Variants in CERT1 observed in about 807,000 individuals in gnomAD.
The protein encoded by CERT1 is ceramide transporter 1.
In CERT1, 31 loss-of-function variants were observed where a neutral mutation model predicts 87.9. The ratio of observed to expected loss-of-function variants is 0.35; its 90% confidence interval spans 0.27 to 0.48. CERT1 has a LOEUF of 0.48. Ranked by LOEUF, CERT1 falls within the 20% of genes least tolerant of loss-of-function variation. The probability of loss-of-function intolerance (pLI) is 0.99; values close to 1 mark genes in which losing one functional copy is unlikely to be tolerated. For synonymous variants in CERT1, 289 were observed against 250.9 expected (o/e 1.15, Z -1.44); for missense variants, 487 against 758.0 (o/e 0.64, Z 4.20).
At chr5:75,384,013 C>T (rs969418940) in intron 14 of CERT1, among the ~76,000 whole-genome samples, 5 of 152,130 alleles carry the variant, frequency 3.3e-5, no homozygotes, top group African/African-American at 4.8e-5. Flanking sequence ...TCTCAAGTCA[C>T]GCTCTGTGAT....
At chr5:75,380,425 C>T (rs571393239) in intron 16 of CERT1, among the ~76,000 whole-genome samples, 18 of 152,272 alleles carry the variant, frequency 1.2e-4, no homozygotes, top group African/African-American at 4.3e-4. Context: ...TAATTTCCTT[C>T]CCCACTGTTG....
chr5:75,465,221 GA>G (rs1765409007), intron 2 of CERT1, among the ~76,000 whole-genome samples: 1 of 152,134 alleles, frequency 6.6e-6, no homozygotes, highest in African/African-American at 2.4e-5. Context: ...CTACCAGTCA[GA>G]AAAATGGTTG....
intron 6 of CERT1, 38 bp downstream of exon 6, chr5:75,419,303 A>G (rs374524279): frequency 3.0e-5 from 39 of 1,321,706 alleles, no homozygotes; most frequent in Non-Finnish European, 4.1e-5. Context: ...TTCTGAAAGT[A>G]TATTTTATCC....
intron 3 of CERT1, among the ~76,000 whole-genome samples, chr5:75,435,900 G>T (rs1002411637): frequency 2.0e-5 from 3 of 152,176 alleles, no homozygotes; most frequent in Admixed American, 2.0e-4. Flanking sequence ...ATATGCACAG[G>T]TGGGGCAGTG....
chr5:75,464,428 A>G (rs1042761214), intron 2 of CERT1, among the ~76,000 whole-genome samples: 2 of 152,182 alleles, frequency 1.3e-5, no homozygotes, highest in African/African-American at 4.8e-5. Context: ...TACAGAGAAT[A>G]GGGTACAGGG....
intron 2 of CERT1, among the ~76,000 whole-genome samples, chr5:75,494,754 T>C (rs978846730): frequency 3.3e-5 from 5 of 152,220 alleles, no homozygotes; most frequent in African/African-American, 7.2e-5. Flanking sequence ...CACTTAGCAC[T>C]TGACCATTTG....
At chr5:75,443,248 T>C (rs1764397362) in intron 3 of CERT1, among the ~76,000 whole-genome samples, 1 of 152,194 alleles carries the variant, frequency 6.6e-6, no homozygotes, top group African/African-American at 2.4e-5. Context: ...TTTCCTTCCT[T>C]TTGCTAGCTT....
chr5:75,376,194 T>G (rs908531334), downstream of CERT1: 2 of 152,210 alleles, frequency 1.3e-5, no homozygotes, highest in Non-Finnish European at 2.9e-5. Context: ...CATTTATCTT[T>G]CAACTGTTTA....
At chr5:75,438,125 A>T (rs1197528318) in intron 3 of CERT1, among the ~76,000 whole-genome samples, 1 of 152,160 alleles carries the variant, frequency 6.6e-6, no homozygotes, top group Non-Finnish European at 1.5e-5. Context: ...ATATTAAAGG[A>T]AGAGCTTAAA....
At chr5:75,510,187 C>T (rs1003925580) in intron 1 of CERT1, among the ~76,000 whole-genome samples, 1 of 152,024 alleles carries the variant, frequency 6.6e-6, no homozygotes, top group Admixed American at 6.6e-5. Context: ...GCCCAGCTCC[C>T]CCTCTCCAAG....
chr5:75,390,022 T>C (rs984139660), intron 11 of CERT1, among the ~76,000 whole-genome samples: 1 of 152,128 alleles, frequency 6.6e-6, no homozygotes, highest in Admixed American at 6.5e-5. Flanking sequence ...TGTGTTAAAG[T>C]ATAAAATAAT....
intron 2 of CERT1, among the ~76,000 whole-genome samples, chr5:75,467,237 T>G (rs564522836): frequency 4.5e-4 from 68 of 152,318 alleles, no homozygotes; most frequent in African/African-American, 1.5e-3. Context: ...TGATTCCACT[T>G]TTATAAAATC....
Position 75,381,951 on chromosome 5 carries a change from G to A in CERT1, c.1615C>T (p.Pro539Ser), listed in dbSNP as rs766857389. 4 of 1,612,294 alleles carry A rather than the reference G, an allele frequency of 2.5e-6. No individual in the cohort carries two copies. The highest frequency in any genetic ancestry group is 1.8e-4 in the Middle Eastern group (1 of 5,560). Residue 539 changes from proline to serine, a missense_variant and splice_region_variant, in exon 15 of 17, where the codon CCT (proline) becomes TCT (serine). By Grantham distance (74) the Pro-to-Ser change is moderately conservative. This residue lies in a region of CERT1 where 147 missense variants were observed against 200.8 expected (regional missense o/e 0.73). Transcript: ENST00000643780. ...CACATTTATATACATGTACTTACAG[G>A]AGCACTGTCATGATCCACAGAAAAA... Reference protein sequence around the residue: ...CNFSVDHDSAPLNNRCVRAKI... With the variant: ...CNFSVDHDSASLNNRCVRAKI...
chr5:75,460,361 G>A (rs983153709), intron 2 of CERT1, among the ~76,000 whole-genome samples: 6 of 151,700 alleles, frequency 4.0e-5, no homozygotes, highest in African/African-American at 1.5e-4. Flanking sequence ...TCCAGCTAAA[G>A]GAAAAAAATA....
At chr5:75,432,055 C>CG (rs1341647012) in intron 3 of CERT1, among the ~76,000 whole-genome samples, 1 of 150,642 alleles carries the variant, frequency 6.6e-6, no homozygotes, top group African/African-American at 2.5e-5. Flanking sequence ...CATTCCCCCC[C>CG]CCTTTTTTTT....
At chr5:75,438,656 T>G (rs999703635) in intron 3 of CERT1, among the ~76,000 whole-genome samples, 1 of 152,132 alleles carries the variant, frequency 6.6e-6, no homozygotes, top group South Asian at 2.1e-4. Flanking sequence ...ATTAATAATC[T>G]GGAATTCAAA....
intron 11 of CERT1, among the ~76,000 whole-genome samples, chr5:75,390,441 T>A (rs1761985415): frequency 2.0e-5 from 3 of 152,036 alleles, no homozygotes; most frequent in Admixed American, 2.0e-4. Flanking sequence ...TTTCTAATAA[T>A]TTCCTTTTAA....
At chr5:75,500,315 A>G (rs1024113646) in intron 2 of CERT1, among the ~76,000 whole-genome samples, 1 of 152,186 alleles carries the variant, frequency 6.6e-6, no homozygotes, top group Non-Finnish European at 1.5e-5. Context: ...TAGCAAATGA[A>G]TACATTGTAT....
chr5:75,434,772 T>A (rs1764019420), intron 3 of CERT1, among the ~76,000 whole-genome samples: 1 of 152,114 alleles, frequency 6.6e-6, no homozygotes, highest in Non-Finnish European at 1.5e-5. Context: ...GTTTTGTAGT[T>A]TTTGTGCACA....
Sources: gnomAD v4.1 joint callset for allele counts (sites outside exome capture counted in the v4.1 genomes callset) on GRCh38, gnomAD v4.1.1 for gene constraint, gnomAD v4.1.1 regional missense constraint, MANE v1.5 for transcripts, NCBI Gene and HGNC (gene_info 2026-07-23, HGNC 2026-07-21) for gene names.